The following PRKCB variants were observed in gnomAD, a reference collection of about 807,000 sequenced individuals.
PRKCB encodes the protein protein kinase C beta type.
Under a neutral mutation model 81.5 loss-of-function variants are expected in PRKCB, and 13 were observed. The ratio of observed to expected loss-of-function variants is 0.16; its 90% CI spans 0.10 to 0.25. PRKCB has a LOEUF of 0.25. Ranked by LOEUF, PRKCB falls within the 10% of genes least tolerant of loss-of-function variation. The probability of loss-of-function intolerance (pLI) is 1.00; values close to 1 mark genes in which losing one functional copy is unlikely to be tolerated. For missense variants in PRKCB, 509 were observed against 875.7 expected, an observed-to-expected ratio of 0.58 and a Z score of 5.29; for synonymous variants, 335 against 321.4, an observed-to-expected ratio of 1.04 and a Z score of -0.45.
At chr16:24,134,953 C>T (rs1332269929) in intron 9 of PRKCB, among the ~76,000 whole-genome samples, 1 of 148,490 alleles carries the variant, frequency 6.7e-6, no homozygotes, top group Non-Finnish European at 1.5e-5. Context: ...GTGGGTTTCT[C>T]CTTCTTCCAT....
intron 2 of PRKCB, among the ~76,000 whole-genome samples, chr16:23,866,980 T>C (rs1266469994): frequency 2.6e-3 from 163 of 63,424 alleles, no homozygotes; most frequent in African/African-American, 0.01. Flanking sequence ...CTTCCTTCCC[T>C]TCCTTCCCTT....
At chr16:23,875,991 G>T (rs1367076683) in intron 2 of PRKCB, among the ~76,000 whole-genome samples, 2 of 152,172 alleles carry the variant, frequency 1.3e-5, no homozygotes, top group Non-Finnish European at 2.9e-5. Flanking sequence ...CCCTAGTCAT[G>T]CTATATGCCT....
chr16:24,122,413 C>T (rs1181965119), intron 8 of PRKCB, among the ~76,000 whole-genome samples: 1 of 148,282 alleles, frequency 6.7e-6, no homozygotes, highest in African/African-American at 2.5e-5. Context: ...TTCTGGGCCA[C>T]ACAGCTGATT....
chr16:23,916,273 G>C (rs971748445), intron 2 of PRKCB, among the ~76,000 whole-genome samples: 3 of 140,516 alleles, frequency 2.1e-5, no homozygotes, highest in African/African-American at 8.0e-5. Context: ...AGCCCAGGCT[G>C]GTCTTGAACT....
intron 9 of PRKCB, among the ~76,000 whole-genome samples, 188 bp from the exon 10 acceptor site, chr16:24,154,496 G>A (rs1161934064): frequency 1.3e-5 from 2 of 152,098 alleles, no homozygotes; most frequent in African/African-American, 4.8e-5. Flanking sequence ...TCTAGGCTGG[G>A]TGGCAGAGCA....
chr16:23,905,828 A>G (rs1597238695), intron 2 of PRKCB, among the ~76,000 whole-genome samples: 1 of 152,174 alleles, frequency 6.6e-6, no homozygotes. Flanking sequence ...AATATATTAT[A>G]GTGTTGTTTC....
chr16:23,931,619 G>A (rs889708317), intron 2 of PRKCB, among the ~76,000 whole-genome samples: 1 of 152,142 alleles, frequency 6.6e-6, no homozygotes, highest in African/African-American at 2.4e-5. Context: ...ATGCGGCACT[G>A]CCAATCAGTA....
chr16:23,946,763 C>T lies in PRKCB; in HGVS notation c.206-41745C>T, dbSNP rs9932853. Reference sequence around the variant, plus strand: ...TGATCCAGTAGGTCTGGGGAGGGGCCGGGCCTGGAATCCTACATTTCTAAC... The same window carrying T: ...TGATCCAGTAGGTCTGGGGAGGGGCTGGGCCTGGAATCCTACATTTCTAAC... On this transcript the variant is annotated intron_variant, in intron 2 of 16. Coordinates refer to ENST00000643927, the MANE Select transcript of PRKCB (RefSeq NM_002738.7). Among the ~76,000 whole-genome samples, 1,220 of 152,154 alleles carry T rather than the reference C, an allele frequency of 8.0e-3. 19 individuals are homozygous for T. The highest frequency in any genetic ancestry group is 0.027 in the African/African-American group (1,141 of 41,504).
chr16:23,904,988 T>G (rs1477559110), intron 2 of PRKCB, among the ~76,000 whole-genome samples: 1 of 152,080 alleles, frequency 6.6e-6, no homozygotes, highest in Middle Eastern at 3.2e-3. Flanking sequence ...TTCTGGTGTT[T>G]TCTTCTCTTC....
intron 2 of PRKCB, among the ~76,000 whole-genome samples, chr16:23,964,306 A>G (rs1964460429): frequency 6.6e-6 from 1 of 152,164 alleles, no homozygotes; most frequent in Non-Finnish European, 1.5e-5. Flanking sequence ...GGATCCATGG[A>G]CTGAATTCAT....
rs183538776 is a variant in PRKCB, at chr16:23,880,386, C to G, written c.205+42980C>G. 1.5e-4 allele frequency among the ~76,000 whole-genome samples: 23 copies of G among 152,286 alleles called. No individual in the cohort carries two copies. In the East Asian group the frequency reaches 2.9e-3, roughly 19 times the overall value. ...CATTGCTTCCTGCCTCCTTCTCCCC[C>G]TCCTTCTCACATATGCCTTTGTCTC... is the stretch of plus-strand genomic sequence containing the variant. On this transcript the variant is annotated intron_variant, in intron 2 of 16. Coordinates refer to ENST00000643927, the MANE Select transcript of PRKCB (RefSeq NM_002738.7).
chr16:24,089,830 T>C (rs2141898644), intron 5 of PRKCB, among the ~76,000 whole-genome samples: 1 of 152,050 alleles, frequency 6.6e-6, no homozygotes, highest in South Asian at 2.1e-4. Flanking sequence ...AAAGAGGGCA[T>C]TGCATATGAA....
At chr16:24,117,112 A>G (rs568490738) in intron 8 of PRKCB, among the ~76,000 whole-genome samples, 34 of 141,918 alleles carry the variant, frequency 2.4e-4, no homozygotes, top group African/African-American at 9.7e-4. Context: ...AATTGTTCTC[A>G]GGCTCACAGA....
chr16:23,964,674 G>GTTT (rs71381628), intron 2 of PRKCB, among the ~76,000 whole-genome samples: 8 of 138,896 alleles, frequency 5.8e-5, no homozygotes, highest in Admixed American at 2.2e-4. Flanking sequence ...ACCTCATGAG[G>GTTT]TTTTTTTTTT....
At chr16:23,956,228 C>G (rs1567325264) in intron 2 of PRKCB, among the ~76,000 whole-genome samples, 1 of 152,020 alleles carries the variant, frequency 6.6e-6, no homozygotes, top group Non-Finnish European at 1.5e-5. Context: ...CTCAATCCTC[C>G]CACCTCAGAC....
intron 2 of PRKCB, among the ~76,000 whole-genome samples, chr16:23,986,194 G>T (rs1964801574): frequency 6.6e-6 from 1 of 152,116 alleles, no homozygotes; most frequent in Non-Finnish European, 1.5e-5. Flanking sequence ...GTCTTTCTTT[G>T]TCCAGTTTTC....
intron 5 of PRKCB, among the ~76,000 whole-genome samples, chr16:24,047,733 A>G (rs1965785717): frequency 2.6e-5 from 4 of 152,290 alleles, no homozygotes; most frequent in African/African-American, 9.6e-5. Context: ...GAGGAAGGAG[A>G]TGCTTCAGCA....
chr16:23,842,066 T>C (rs1306129875), intron 2 of PRKCB, among the ~76,000 whole-genome samples: 1 of 152,198 alleles, frequency 6.6e-6, no homozygotes, highest in Non-Finnish European at 1.5e-5. Context: ...CATTCTGCTT[T>C]GGCCTCCCAA....
chr16:23,996,409 T>A (rs1964957118), intron 3 of PRKCB, among the ~76,000 whole-genome samples: 1 of 152,180 alleles, frequency 6.6e-6, no homozygotes. Context: ...CTGACCTGGC[T>A]ATGGCCACCG....
Sources: allele counts gnomAD v4.1 joint callset (sites outside exome capture counted in the v4.1 genomes callset), GRCh38; gene constraint gnomAD v4.1.1; transcripts MANE v1.5; gene names NCBI Gene and HGNC (gene_info 2026-07-23, HGNC 2026-07-21).